Variants in DIP2C observed in about 807,000 individuals in gnomAD.
DIP2C encodes DIP2 acetate--CoA ligase C (putative).
In DIP2C, 33 loss-of-function variants were observed where a neutral mutation model predicts 192.4. The observed-to-expected ratio is 0.17, with a 90% confidence interval of 0.13 to 0.23. DIP2C has a LOEUF of 0.23. DIP2C is among the 10% of genes least tolerant of loss of function. DIP2C has a pLI of 1.00. For missense variants in DIP2C, 1,537 were observed against 2,110.1 expected, an observed-to-expected ratio of 0.73 and a Z score of 5.32; for synonymous variants, 979 against 864.1, an observed-to-expected ratio of 1.13 and a Z score of -2.33.
intron 1 of DIP2C, among the ~76,000 whole-genome samples, chr10:554,574 G>A (rs755327588): frequency 3.3e-5 from 5 of 152,194 alleles, no homozygotes; most frequent in Non-Finnish European, 5.9e-5. Context: ...ATGTGTTCCC[G>A]TGTTCTTGAG....
chr10:441,627 G>A lies in DIP2C; in HGVS notation c.269-631C>T, dbSNP rs374773190. On this transcript the variant is annotated intron_variant, in intron 3 of 36. Transcript: ENST00000280886. ...AGGTTTCCGCTTTTGCTTCTACCTC[G>A]TTTTCTCTTGCTGCTGACATGTAAA... Among the ~76,000 whole-genome samples, 64 of 152,182 alleles carry A rather than the reference G, an allele frequency of 4.2e-4. 1 individual carries two copies. The South Asian group carries it at 0.012, about 30-fold the overall frequency.
At chr10:553,980 G>C (rs1265520000) in intron 1 of DIP2C, among the ~76,000 whole-genome samples, 1 of 135,766 alleles carries the variant, frequency 7.4e-6, no homozygotes, top group East Asian at 2.7e-4. Context: ...GCTTGTAACT[G>C]TAAGAGTGGC....
chr10:523,389 TTTCTACC>T lies in DIP2C; in HGVS notation c.86-36866_86-36860del, dbSNP rs1289067282. On this transcript the variant is annotated intron_variant, in intron 1 of 36. Transcript: ENST00000280886. The stretch of plus-strand genomic sequence containing the variant: ...GGACTCTGTGTCACCCACACACTCG[TTTCTACC>T]GGATGCAAAGGACCCTGGAGTGAAG... 9.9e-4 allele frequency among the ~76,000 whole-genome samples: 144 copies of T among 146,178 alleles called. 1 individual carries two copies. The highest frequency in any genetic ancestry group is 1.1e-3 in the South Asian group (5 of 4,616).
intron 23 of DIP2C, among the ~76,000 whole-genome samples, chr10:357,078 A>G (rs138960949): frequency 6.6e-6 from 1 of 152,358 alleles, no homozygotes; most frequent in African/African-American, 2.4e-5. Flanking sequence ...ATCAGGGTAC[A>G]GAAAAACCCA....
At chr10:654,997 C>G (rs993555213) in intron 1 of DIP2C, among the ~76,000 whole-genome samples, 62 of 152,238 alleles carry the variant, frequency 4.1e-4, no homozygotes, top group Admixed American at 1.4e-3. Context: ...AGACAGTAAG[C>G]GAAGGGTCCC....
chr10:293,247 C>T (rs893619232), intron 32 of DIP2C, among the ~76,000 whole-genome samples: 1 of 152,218 alleles, frequency 6.6e-6, no homozygotes, highest in Non-Finnish European at 1.5e-5. Flanking sequence ...CAAAAACCAG[C>T]GTGACAGACC....
rs773658744 is a variant in DIP2C, at chr10:390,140, C to A, written c.1495-47G>T. 5.6e-6 allele frequency: 9 copies of A among 1,596,740 alleles called. No individual in the cohort carries two copies. In the African/African-American group the frequency reaches 6.7e-5, roughly 12 times the overall value. ...GGGAAGTGGGGCTGACAGGTCACGG[C>A]AGTTTTTCTGGTTACTTGAGGTTCT... On this transcript the variant is annotated intron_variant, in intron 12 of 36. Transcript: ENST00000280886.
At chr10:365,844 C>G (rs1960122127) in intron 19 of DIP2C, among the ~76,000 whole-genome samples, 1 of 152,200 alleles carries the variant, frequency 6.6e-6, no homozygotes, top group African/African-American at 2.4e-5. Context: ...CCACATCTAG[C>G]CCAGGCCGAG....
intron 32 of DIP2C, among the ~76,000 whole-genome samples, chr10:298,479 C>T (rs1248145363): frequency 2.0e-5 from 3 of 152,228 alleles, no homozygotes; most frequent in Non-Finnish European, 2.9e-5. Flanking sequence ...CTGGAGGCAT[C>T]GCTCTGCTCA....
chr10:663,020 A>T (rs1425093542), intron 1 of DIP2C: 3 of 697,264 alleles, frequency 4.3e-6, no homozygotes, highest in Non-Finnish European at 8.0e-6. Context: ...TATGTCCAGG[A>T]AAGACTCTAA....
At chr10:619,064 T>C (rs1044423279) in intron 1 of DIP2C, among the ~76,000 whole-genome samples, 2 of 152,202 alleles carry the variant, frequency 1.3e-5, no homozygotes, top group Non-Finnish European at 1.5e-5. Flanking sequence ...CGCTGTCTCC[T>C]GAGCTGTGTG....
chr10:445,062 T>G (rs1015330336), intron 3 of DIP2C, among the ~76,000 whole-genome samples: 2 of 152,250 alleles, frequency 1.3e-5, no homozygotes, highest in African/African-American at 4.8e-5. Context: ...CTGTCATATC[T>G]TCACTAGCAC....
chr10:334,304 CAAAAAAAAAAAA>C (rs35031456), intron 29 of DIP2C, among the ~76,000 whole-genome samples: 1 of 82,416 alleles, frequency 1.2e-5, no homozygotes, highest in Non-Finnish European at 2.1e-5. Context: ...AAGACTGTCT[CAAAAAAAAAAAA>C]AAAAAAAAAG....
intron 1 of DIP2C, among the ~76,000 whole-genome samples, chr10:672,606 T>C (rs1315468098): frequency 6.6e-6 from 1 of 152,224 alleles, no homozygotes; most frequent in East Asian, 1.9e-4. Context: ...ATAAAAGAAC[T>C]AAAGATTGGC....
chr10:567,894 C>A (rs1849544562), intron 1 of DIP2C, among the ~76,000 whole-genome samples: 1 of 152,208 alleles, frequency 6.6e-6, no homozygotes, highest in African/African-American at 2.4e-5. Flanking sequence ...CTCCCCAAAG[C>A]ACTGGGATTA....
At chr10:492,702 A>G (rs1844532623) in intron 1 of DIP2C, among the ~76,000 whole-genome samples, 2 of 152,214 alleles carry the variant, frequency 1.3e-5, no homozygotes, top group Non-Finnish European at 2.9e-5. Context: ...TACTCGGGCC[A>G]GGCAGGTGGA....
intron 29 of DIP2C, among the ~76,000 whole-genome samples, chr10:339,003 C>T (rs1958013619): frequency 6.6e-6 from 1 of 151,854 alleles, no homozygotes; most frequent in Admixed American, 6.6e-5. Context: ...GTGGACTCCC[C>T]TCCTCCGACG....
chr10:688,278 A>T (rs1779046061), intron 1 of DIP2C, among the ~76,000 whole-genome samples: 1 of 152,124 alleles, frequency 6.6e-6, no homozygotes, highest in Non-Finnish European at 1.5e-5. Flanking sequence ...CAGGACACTG[A>T]CACACCTCGC....
chr10:478,784 G>A (rs1843369454), intron 2 of DIP2C, among the ~76,000 whole-genome samples: 1 of 152,034 alleles, frequency 6.6e-6, no homozygotes, highest in Non-Finnish European at 1.5e-5. Context: ...CAGGCGTGCA[G>A]ATACATCCAA....
Sources: gnomAD v4.1 joint callset for allele counts (sites outside exome capture counted in the v4.1 genomes callset) on GRCh38, gnomAD v4.1.1 for gene constraint, MANE v1.5 for transcripts, NCBI Gene and HGNC (gene_info 2026-07-23, HGNC 2026-07-21) for gene names.